Variants in ANO3 observed in about 807,000 individuals in gnomAD.
ANO3 encodes the protein anoctamin 3.
Under a neutral mutation model 144.8 loss-of-function variants are expected in ANO3, and 99 were observed. That is an observed-to-expected ratio of 0.68 (90% CI 0.58 to 0.81). The LOEUF is 0.81. Ranked by LOEUF, ANO3 falls within the 30% of genes least tolerant of loss-of-function variation. The probability of loss-of-function intolerance (pLI) is 0.00; values close to 1 mark genes in which losing one functional copy is unlikely to be tolerated. For missense variants in ANO3, 905 were observed against 1,202.2 expected (o/e 0.75, Z 3.66); for synonymous variants, 414 against 392.6 (o/e 1.05, Z -0.64).
intron 3 of ANO3, among the ~76,000 whole-genome samples, chr11:26,461,774 A>G (rs1421979782): frequency 2.0e-5 from 3 of 152,066 alleles, no homozygotes; most frequent in Admixed American, 6.6e-5. Context: ...GGCATGTTCC[A>G]TGTTCCTTTT....
intron 1 of ANO3, among the ~76,000 whole-genome samples, chr11:26,194,659 C>A (rs1851549529): frequency 6.6e-6 from 1 of 151,922 alleles, no homozygotes; most frequent in South Asian, 2.1e-4. Flanking sequence ...GGCCACTACG[C>A]TGGGCTAATT....
chr11:26,477,385 G>A (rs1860023383), intron 4 of ANO3, among the ~76,000 whole-genome samples: 1 of 152,064 alleles, frequency 6.6e-6, no homozygotes, highest in African/African-American at 2.4e-5. Flanking sequence ...ATTTGTGTAT[G>A]GAGTTTTCTC....
At chr11:26,355,613 G>A (rs1315446742) in intron 1 of ANO3, among the ~76,000 whole-genome samples, 1 of 149,890 alleles carries the variant, frequency 6.7e-6, no homozygotes, top group Non-Finnish European at 1.5e-5. Flanking sequence ...AGGATGGAGT[G>A]CAATAGCATG....
intron 17 of ANO3, among the ~76,000 whole-genome samples, chr11:26,604,343 T>C (rs1447160832): frequency 6.6e-6 from 1 of 152,152 alleles, no homozygotes; most frequent in East Asian, 1.9e-4. Flanking sequence ...ATTCAGGTAG[T>C]GTAATGCCTC....
chr11:26,211,330 C>T (rs1323478742), intron 1 of ANO3, among the ~76,000 whole-genome samples: 4 of 152,052 alleles, frequency 2.6e-5, no homozygotes, highest in Non-Finnish European at 4.4e-5. Flanking sequence ...ACACATTGTA[C>T]CTGAATCTCT....
At chr11:26,404,817 G>T (rs1857234498) in intron 1 of ANO3, among the ~76,000 whole-genome samples, 1 of 151,440 alleles carries the variant, frequency 6.6e-6, no homozygotes, top group Non-Finnish European at 1.5e-5. Flanking sequence ...ACTACTTAAA[G>T]GAAAACCATA....
chr11:26,503,069 T>A lies in ANO3; in HGVS notation c.433-5035T>A, dbSNP rs183420794. 9.7e-4 allele frequency among the ~76,000 whole-genome samples: 147 copies of A among 152,262 alleles called. 5 individuals are homozygous for A. Among genetic ancestry groups the A allele is most frequent in the Admixed American group, 9.5e-3 (145 of 15,284 alleles). On this transcript the variant is annotated intron_variant, in intron 4 of 26. Transcript: ENST00000256737. ...TTAGAAAGATCAGCTTTTCTGAAAG[T>A]ATCTGAGCTTCATGGTTTGCAAACA...
At chr11:26,475,020 A>G (rs1859908134) in intron 4 of ANO3, among the ~76,000 whole-genome samples, 1 of 151,944 alleles carries the variant, frequency 6.6e-6, no homozygotes, top group Admixed American at 6.6e-5. Flanking sequence ...ATCACAGACT[A>G]TTCTTTTAAG....
intron 1 of ANO3, among the ~76,000 whole-genome samples, chr11:26,278,105 G>T (rs992475888): frequency 6.6e-6 from 1 of 152,006 alleles, no homozygotes; most frequent in African/African-American, 2.4e-5. Flanking sequence ...CTCTTTCTCT[G>T]CTTCTGTGTG....
chr11:26,368,317 T>C (rs1856150216), intron 1 of ANO3, among the ~76,000 whole-genome samples: 1 of 152,166 alleles, frequency 6.6e-6, no homozygotes, highest in Non-Finnish European at 1.5e-5. Flanking sequence ...GAAGAAACTA[T>C]GAGCTGTAGA....
chr11:26,644,935 T>G (rs1853295602), intron 23 of ANO3, among the ~76,000 whole-genome samples: 2 of 152,234 alleles, frequency 1.3e-5, no homozygotes, highest in Non-Finnish European at 2.9e-5. Context: ...TTTCAATTTA[T>G]TCACTTTATT....
At chr11:26,247,698 A>C (rs1852827785) in intron 1 of ANO3, among the ~76,000 whole-genome samples, 1 of 137,802 alleles carries the variant, frequency 7.3e-6, no homozygotes. Flanking sequence ...AAAAACCCAG[A>C]TGTTTCATTT....
intron 1 of ANO3, among the ~76,000 whole-genome samples, chr11:26,224,782 C>CCCTCAGTG (rs1427757920): frequency 2.6e-5 from 4 of 152,150 alleles, no homozygotes; most frequent in Non-Finnish European, 4.4e-5. Context: ...AACATGTGGG[C>CCCTCAGTG]CCTCAGTGCT....
Sources: gnomAD v4.1 joint callset for allele counts (sites outside exome capture counted in the v4.1 genomes callset) on GRCh38, gnomAD v4.1.1 for gene constraint, MANE v1.5 for transcripts, NCBI Gene and HGNC (gene_info 2026-07-23, HGNC 2026-07-21) for gene names.